DRC11: variants seen among roughly 807,000 people sequenced by gnomAD.
DRC11 encodes the protein dynein regulatory complex subunit 11.
chr2:236,336,285 C>A, the DRC11 span, among the ~76,000 whole-genome samples: 1 of 151,964 alleles, frequency 6.6e-6, no homozygotes, highest in East Asian at 1.9e-4. This position sits in a 1 kb window ranked among gnomAD's most constrained non-coding sequence, Gnocchi z 7.3. Flanking sequence ...GCAAAAAAAA[C>A]GGAGCAGCAA....
chr2:236,343,638 G>A, the DRC11 span: 227 of 1,007,598 alleles, frequency 2.3e-4, no homozygotes, highest in Non-Finnish European at 1.8e-4. The surrounding 1 kb of genome is among the most constrained non-coding windows in gnomAD (Gnocchi z 6.6). Flanking sequence ...ACACTGCCCT[G>A]CATTTCTCTT....
chr2:236,330,573 AT>A, the DRC11 span, among the ~76,000 whole-genome samples: 1 of 152,072 alleles, frequency 6.6e-6, no homozygotes, highest in African/African-American at 2.4e-5. The surrounding 1 kb of genome is among the most constrained non-coding windows in gnomAD (Gnocchi z 5.5). Context: ...GCAGAGGGAA[AT>A]TTTCCTGATG....
the DRC11 span, chr2:236,392,262 C>T: frequency 6.3e-7 from 1 of 1,590,826 alleles, no homozygotes; most frequent in Non-Finnish European, 8.6e-7. This position sits in a 1 kb window ranked among gnomAD's most constrained non-coding sequence, Gnocchi z 5.1. Context: ...TGATCTCTGA[C>T]TGTAATTCTT....
chr2:236,502,355 T>C, the DRC11 span, among the ~76,000 whole-genome samples: 1 of 151,240 alleles, frequency 6.6e-6, no homozygotes, highest in Non-Finnish European at 1.5e-5. Context: ...GGTGGGTGGA[T>C]CATTTGAGGT....
the DRC11 span, among the ~76,000 whole-genome samples, chr2:236,429,282 G>A: frequency 1.8e-4 from 27 of 152,354 alleles, 2 homozygotes; most frequent in African/African-American, 6.5e-4. The surrounding 1 kb of genome is among the most constrained non-coding windows in gnomAD (Gnocchi z 5.9). Flanking sequence ...TCAGCTGCAG[G>A]TGCACATGTG....
At chr2:236,432,908 G>A in the DRC11 span, among the ~76,000 whole-genome samples, 4 of 151,872 alleles carry the variant, frequency 2.6e-5, no homozygotes, top group South Asian at 4.2e-4. Flanking sequence ...TGTTTTATAC[G>A]TAAGTGTTTG....
chr2:236,370,683 A>G, the DRC11 span, among the ~76,000 whole-genome samples: 1 of 152,164 alleles, frequency 6.6e-6, no homozygotes, highest in African/African-American at 2.4e-5. The surrounding 1 kb of genome is among the most constrained non-coding windows in gnomAD (Gnocchi z 5.5). Context: ...AAAGTGATAT[A>G]AAGAAAATAA....
the DRC11 span, among the ~76,000 whole-genome samples, chr2:236,375,421 G>A: frequency 5.9e-5 from 9 of 152,296 alleles, no homozygotes; most frequent in Admixed American, 3.9e-4. The surrounding 1 kb of genome is among the most constrained non-coding windows in gnomAD (Gnocchi z 4.2). Flanking sequence ...AGACAGTTCT[G>A]TTAAAAACAG....
the DRC11 span, among the ~76,000 whole-genome samples, chr2:236,322,789 G>A: frequency 2.0e-4 from 30 of 152,330 alleles, no homozygotes; most frequent in East Asian, 4.6e-3. Flanking sequence ...AGCCATGTGT[G>A]GCTATTTAAA....
chr2:236,361,197 G>A, the DRC11 span, among the ~76,000 whole-genome samples: 3 of 152,068 alleles, frequency 2.0e-5, no homozygotes, highest in African/African-American at 4.8e-5. The surrounding 1 kb of genome is among the most constrained non-coding windows in gnomAD (Gnocchi z 5.7). Context: ...CGAGTAATAA[G>A]CAAATGTAAG....
the DRC11 span, among the ~76,000 whole-genome samples, chr2:236,435,028 G>A: frequency 2.0e-5 from 3 of 152,200 alleles, no homozygotes; most frequent in Non-Finnish European, 4.4e-5. Context: ...CCTCTAGAGG[G>A]CTGAGGCAGC....
the DRC11 span, among the ~76,000 whole-genome samples, chr2:236,494,913 T>TA: frequency 5.0e-3 from 757 of 152,220 alleles, 3 homozygotes; most frequent in African/African-American, 0.016. The surrounding 1 kb of genome is among the most constrained non-coding windows in gnomAD (Gnocchi z 4.2). Context: ...GAGAGGGCAG[T>TA]AGGAGAAGAA....
At chr2:236,453,753 C>T in the DRC11 span, among the ~76,000 whole-genome samples, 4 of 152,096 alleles carry the variant, frequency 2.6e-5, no homozygotes, top group African/African-American at 9.7e-5. This position sits in a 1 kb window ranked among gnomAD's most constrained non-coding sequence, Gnocchi z 4.9. Flanking sequence ...GATTCTCCTG[C>T]CAAAGCCTCC....
the DRC11 span, among the ~76,000 whole-genome samples, chr2:236,356,078 T>C: frequency 6.6e-6 from 1 of 152,122 alleles, no homozygotes. Context: ...GTCCTACAGC[T>C]GACACTGCCT....
the DRC11 span, among the ~76,000 whole-genome samples, chr2:236,359,816 A>G: frequency 2.0e-5 from 3 of 152,062 alleles, no homozygotes; most frequent in African/African-American, 7.2e-5. The surrounding 1 kb of genome is among the most constrained non-coding windows in gnomAD (Gnocchi z 4.3). Flanking sequence ...TAATTGATTG[A>G]CTCCCACTCC....
At chr2:236,420,616 G>A in the DRC11 span, among the ~76,000 whole-genome samples, 1 of 152,160 alleles carries the variant, frequency 6.6e-6, no homozygotes, top group South Asian at 2.1e-4. The surrounding 1 kb of genome is among the most constrained non-coding windows in gnomAD (Gnocchi z 4.8). Flanking sequence ...TCCCAGCCTA[G>A]GCAACATGAT....
At chr2:236,412,215 G>C in the DRC11 span, among the ~76,000 whole-genome samples, 1 of 152,258 alleles carries the variant, frequency 6.6e-6, no homozygotes, top group East Asian at 1.9e-4. Flanking sequence ...TCTCATGGCA[G>C]AGGGACTCAG....
At chr2:236,488,098 T>C in the DRC11 span, 2 of 1,610,416 alleles carry the variant, frequency 1.2e-6, no homozygotes, top group Non-Finnish European at 1.7e-6. Flanking sequence ...ATTTGCTTCA[T>C]GAATAAAGCC....
At chr2:236,384,162 T>C in the DRC11 span, among the ~76,000 whole-genome samples, 97 of 151,286 alleles carry the variant, frequency 6.4e-4, no homozygotes, top group Non-Finnish European at 1.1e-3. Flanking sequence ...TGATTTATAG[T>C]CCTTTGGGTA....
Sources: gnomAD v4.1 joint callset for allele counts (sites outside exome capture counted in the v4.1 genomes callset) on GRCh38, gnomAD v4.1.1 for gene constraint, Gnocchi (gnomAD v3.1) non-coding constraint, MANE v1.5 for transcripts, NCBI Gene and HGNC (gene_info 2026-07-23, HGNC 2026-07-21) for gene names.